Variants in DCC observed in about 807,000 individuals in gnomAD.
DCC encodes the protein netrin receptor DCC.
Under a neutral mutation model 172.5 loss-of-function variants are expected in DCC, and 58 were observed. That is an observed-to-expected ratio of 0.34 (90% confidence interval 0.27 to 0.42). The LOEUF (loss-of-function observed/expected upper bound fraction) is 0.42, where lower values mean the gene tolerates loss of function less well. Ranked by LOEUF, DCC falls within the 10% of genes least tolerant of loss-of-function variation. DCC has a pLI of 1.00. For missense variants in DCC, 1,740 were observed against 1,791.0 expected (o/e 0.97, Z 0.51); for synonymous variants, 709 against 644.5 (o/e 1.10, Z -1.52).
At chr18:53,233,166 T>C (rs1210185693) in intron 12 of DCC, among the ~76,000 whole-genome samples, 4 of 152,214 alleles carry the variant, frequency 2.6e-5, no homozygotes, top group Non-Finnish European at 5.9e-5. Flanking sequence ...CTGAAAAGCA[T>C]AGATATGAAT....
At chr18:52,528,774 T>C (rs2032057475) in intron 1 of DCC, among the ~76,000 whole-genome samples, 1 of 152,160 alleles carries the variant, frequency 6.6e-6, no homozygotes, top group South Asian at 2.1e-4. Flanking sequence ...TAGTGCTTCA[T>C]GGACTCTGCT....
Position 52,803,614 on chromosome 18 carries a change from C to T in DCC, c.412+51240C>T, listed in dbSNP as rs140232169. ...AGTTTTACTTTATATTTAGGCTACA[C>T]GGTTTGTCTGCAAGGTTTTCAAATT... On this transcript the variant is annotated intron_variant, in intron 2 of 28. Coordinates refer to ENST00000442544, the MANE Select transcript of DCC (RefSeq NM_005215.4). Among the ~76,000 whole-genome samples, 348 of 152,178 alleles carry T rather than the reference C, an allele frequency of 2.3e-3. 1 individual carries two copies. The highest frequency in any genetic ancestry group is 8.1e-3 in the African/African-American group (335 of 41,504).
chr18:53,030,817 C>A (rs1006703483), intron 5 of DCC, among the ~76,000 whole-genome samples: 2 of 152,182 alleles, frequency 1.3e-5, no homozygotes, highest in African/African-American at 4.8e-5. Context: ...GAAATGCATT[C>A]TTAGGAGAAA....
chr18:53,222,619 C>G (rs1056840550), intron 12 of DCC, among the ~76,000 whole-genome samples: 2 of 151,844 alleles, frequency 1.3e-5, no homozygotes, highest in African/African-American at 4.8e-5. Flanking sequence ...AATTCCTGAC[C>G]TCGTGATCTG....
intron 1 of DCC, among the ~76,000 whole-genome samples, chr18:52,589,398 A>T (rs1230592374): frequency 6.6e-6 from 1 of 152,238 alleles, no homozygotes; most frequent in Non-Finnish European, 1.5e-5. Flanking sequence ...AAGTATATCC[A>T]AGAGTGTCAA....
chr18:53,532,182 T>C lies in DCC; in HGVS notation c.*1529T>C, dbSNP rs190926916. On this transcript the variant is annotated 3_prime_UTR_variant, in exon 29 of 29. Transcript: ENST00000442544. ...TTTGATTTCAAGCTTGAGTAGGTCA[T>C]AATTTTAAAAGAGCATGGAAGGGAT... 3.2e-4 allele frequency: 49 copies of C among 152,298 alleles called. 1 individual carries two copies. The highest frequency in any genetic ancestry group is 1.2e-3 in the African/African-American group (49 of 41,560). 9.4% of individuals were successfully genotyped at this position (152,298 alleles called of 1,614,324 possible).
intron 1 of DCC, among the ~76,000 whole-genome samples, chr18:52,656,072 G>T (rs62083448): frequency 1.5e-5 from 2 of 136,652 alleles, no homozygotes; most frequent in East Asian, 4.2e-4. Flanking sequence ...ATATATATGT[G>T]TATATATATG....
At chr18:52,664,591 C>A (rs1170017227) in intron 1 of DCC, among the ~76,000 whole-genome samples, 1 of 151,174 alleles carries the variant, frequency 6.6e-6, no homozygotes, top group African/African-American at 2.4e-5. Flanking sequence ...CTGCCTCAGC[C>A]TCCCGAGTAG....
rs189729491 is a variant in DCC, at chr18:53,006,236, A to G, written c.986-57069A>G. ...CAAACAAATAGAATTTATCTTCTGAACCTGCTAAAGTGAGATTTGTAAATG... is the reference window on the plus strand; with the variant it reads ...CAAACAAATAGAATTTATCTTCTGAGCCTGCTAAAGTGAGATTTGTAAATG... On this transcript the variant is annotated intron_variant, in intron 5 of 28. Coordinates refer to ENST00000442544, the MANE Select transcript of DCC (RefSeq NM_005215.4). Among the ~76,000 whole-genome samples the G allele has an allele frequency of 3.0e-4, 46 of 152,342 alleles. 1 individual carries two copies. The highest frequency in any genetic ancestry group is 3.4e-3 in the Middle Eastern group (1 of 294).
chr18:53,407,528 G>GATATATATATAT (rs74180422), intron 19 of DCC, among the ~76,000 whole-genome samples: 2,828 of 117,224 alleles, frequency 0.024, 82 homozygotes, highest in Middle Eastern at 0.052. Context: ...TTTTATTCTG[G>GATATATATATAT]ATATATATAT....
intron 23 of DCC, among the ~76,000 whole-genome samples, chr18:53,454,020 G>A (rs942564062): frequency 2.0e-5 from 3 of 152,090 alleles, no homozygotes; most frequent in African/African-American, 7.2e-5. Context: ...GTTTCTATTA[G>A]TGAGATTATC....
At chr18:53,056,228 G>A (rs943917428) in intron 5 of DCC, among the ~76,000 whole-genome samples, 2 of 151,994 alleles carry the variant, frequency 1.3e-5, no homozygotes, top group South Asian at 2.1e-4. Context: ...TTCACAAAGC[G>A]GCAGGAGACA....
intron 25 of DCC, among the ~76,000 whole-genome samples, chr18:53,479,087 G>A (rs148017613): frequency 1.0e-3 from 153 of 152,228 alleles, no homozygotes; most frequent in Middle Eastern, 6.8e-3. Flanking sequence ...GCATAGAGCC[G>A]TTCTAGTATG....
chr18:52,857,286 G>T (rs2039070337), intron 2 of DCC, among the ~76,000 whole-genome samples: 1 of 152,182 alleles, frequency 6.6e-6, no homozygotes, highest in African/African-American at 2.4e-5. Flanking sequence ...TTGCTCTAAA[G>T]ATACATGCTA....
chr18:52,518,794 A>G (rs2031718082), intron 1 of DCC, among the ~76,000 whole-genome samples: 1 of 152,230 alleles, frequency 6.6e-6, no homozygotes, highest in Non-Finnish European at 1.5e-5. Context: ...AGAGACAAAA[A>G]TGACTGGACC....
chr18:52,642,634 GA>G (rs35825603), intron 1 of DCC, among the ~76,000 whole-genome samples: 11 of 149,458 alleles, frequency 7.4e-5, no homozygotes, highest in African/African-American at 2.0e-4. Flanking sequence ...ACTTGAAAAT[GA>G]AAAAAAAATC....
chr18:52,902,603 G>A (rs1302323923), intron 2 of DCC, among the ~76,000 whole-genome samples: 1 of 152,132 alleles, frequency 6.6e-6, no homozygotes, highest in Non-Finnish European at 1.5e-5. Context: ...ATGCGTTATA[G>A]TGAGTTTATT....
At chr18:53,135,642 C>T (rs569626435) in intron 7 of DCC, among the ~76,000 whole-genome samples, 1 of 152,078 alleles carries the variant, frequency 6.6e-6, no homozygotes, top group East Asian at 1.9e-4. Flanking sequence ...TTTGTCTTTC[C>T]CCCAACCCAC....
intron 1 of DCC, among the ~76,000 whole-genome samples, chr18:52,731,425 T>G (rs1277425194): frequency 6.6e-6 from 1 of 152,218 alleles, no homozygotes; most frequent in Non-Finnish European, 1.5e-5. Context: ...AGAGGTGGTG[T>G]AGTTAATGGT....
Sources: gnomAD v4.1 joint callset for allele counts (sites outside exome capture counted in the v4.1 genomes callset) on GRCh38, gnomAD v4.1.1 for gene constraint, MANE v1.5 for transcripts, NCBI Gene and HGNC (gene_info 2026-07-23, HGNC 2026-07-21) for gene names.